Variants in DLGAP2 observed in about 807,000 individuals in gnomAD.
The protein encoded by DLGAP2 is disks large-associated protein 2.
Under a neutral mutation model 100.3 loss-of-function variants are expected in DLGAP2, and 26 were observed. That is an observed-to-expected ratio of 0.26 (90% CI 0.19 to 0.36). The LOEUF (loss-of-function observed/expected upper bound fraction) is 0.36. Among genes scored for constraint, DLGAP2 ranks in the 10% least tolerant of loss-of-function variants. The pLI, the probability that DLGAP2 is intolerant of heterozygous loss-of-function variation, is 1.00. For missense variants in DLGAP2, 1,858 were observed against 1,453.2 expected (o/e 1.28, Z -4.53); for synonymous variants, 886 against 630.1 (o/e 1.41, Z -6.08).
At chr8:1,259,593 C>A (rs190449108) in intron 3 of DLGAP2, 1 of 152,324 alleles carries the variant, frequency 6.6e-6, no homozygotes, top group Non-Finnish European at 1.5e-5. Flanking sequence ...AAGAGTCAGC[C>A]TTGGGGAACT....
At chr8:1,388,829 G>T (rs539528430) in intron 3 of DLGAP2, among the ~76,000 whole-genome samples, 28 of 115,674 alleles carry the variant, frequency 2.4e-4, no homozygotes, top group Non-Finnish European at 3.5e-4. Flanking sequence ...ATGAGGAGGC[G>T]CTGGTTCAGG....
At chr8:985,999 A>C (rs2129015407) in intron 2 of DLGAP2, among the ~76,000 whole-genome samples, 1 of 152,346 alleles carries the variant, frequency 6.6e-6, no homozygotes, top group South Asian at 2.1e-4. Context: ...CTGGTTAGGA[A>C]GAAGTTTCTG....
chr8:976,784 A>G (rs1036507979), intron 2 of DLGAP2, among the ~76,000 whole-genome samples: 18 of 152,246 alleles, frequency 1.2e-4, no homozygotes, highest in African/African-American at 3.9e-4. Flanking sequence ...TATAAAAAAC[A>G]TAACTGAAAA....
intron 1 of DLGAP2, among the ~76,000 whole-genome samples, chr8:889,891 G>C (rs1584865784): frequency 1.3e-5 from 2 of 152,356 alleles, no homozygotes; most frequent in African/African-American, 4.8e-5. Flanking sequence ...AGTGGCGTGA[G>C]TTTGCAAGTG....
intron 3 of DLGAP2, among the ~76,000 whole-genome samples, chr8:1,375,034 T>A (rs1258073347): frequency 6.6e-6 from 1 of 152,350 alleles, no homozygotes; most frequent in East Asian, 1.9e-4. Context: ...AGCATGCTAC[T>A]GAGGTGCTGT....
intron 3 of DLGAP2, among the ~76,000 whole-genome samples, chr8:1,457,976 A>T (rs1016283146): frequency 3.6e-3 from 4 of 1,110 alleles, no homozygotes; most frequent in African/African-American, 6.0e-3. Context: ...TTCTCTGATC[A>T]TATATATATA....
intron 1 of DLGAP2, among the ~76,000 whole-genome samples, chr8:875,900 A>T (rs1350716498): frequency 6.6e-6 from 1 of 152,192 alleles, no homozygotes; most frequent in East Asian, 1.9e-4. Context: ...TAGAAGCATT[A>T]CTTCTATGTA....
intron 3 of DLGAP2, among the ~76,000 whole-genome samples, chr8:1,332,422 T>C (rs1174535128): frequency 6.6e-6 from 1 of 152,126 alleles, no homozygotes; most frequent in African/African-American, 2.4e-5. Flanking sequence ...TATGCGTGTG[T>C]CAGTGTATAT....
chr8:1,295,094 C>G (rs1404197959), intron 3 of DLGAP2, among the ~76,000 whole-genome samples: 1 of 152,102 alleles, frequency 6.6e-6, no homozygotes, highest in African/African-American at 2.4e-5. Flanking sequence ...AAATCTACTA[C>G]CACGGGCTCA....
At chr8:1,054,047 C>T (rs1054102950) in intron 2 of DLGAP2, among the ~76,000 whole-genome samples, 13 of 152,088 alleles carry the variant, frequency 8.5e-5, no homozygotes, top group African/African-American at 3.1e-4. Flanking sequence ...TTCAGCCTTC[C>T]GCTGCTGGGT....
chr8:1,225,614 C>G (rs989430480), intron 2 of DLGAP2, among the ~76,000 whole-genome samples: 17 of 152,288 alleles, frequency 1.1e-4, no homozygotes, highest in African/African-American at 3.6e-4. Context: ...AAATCATATG[C>G]AAGTATCATG....
Position 875,975 on chromosome 8 carries a change from C to T in DLGAP2, c.19-31937C>T, listed in dbSNP as rs142452492. ...TTATTACATCTCTTAATGTTGCAAACGCAACAGCACATTGTTATAATTATG... is the reference window on the plus strand; with the variant it reads ...TTATTACATCTCTTAATGTTGCAAATGCAACAGCACATTGTTATAATTATG... On this transcript the variant is annotated intron_variant, in intron 1 of 14. Transcript: ENST00000637795. 2.8e-3 allele frequency among the ~76,000 whole-genome samples: 431 copies of T among 152,244 alleles called. 1 individual carries two copies. The highest frequency in any genetic ancestry group is 9.2e-3 in the African/African-American group (382 of 41,544).
At chr8:1,289,876 T>C (rs879096487) in intron 3 of DLGAP2, among the ~76,000 whole-genome samples, 1 of 152,200 alleles carries the variant, frequency 6.6e-6, no homozygotes, top group Admixed American at 6.5e-5. Context: ...CCTAAGATAT[T>C]TAAGATGATT....
chr8:1,295,742 C>T (rs971170124), intron 3 of DLGAP2, among the ~76,000 whole-genome samples: 32 of 152,310 alleles, frequency 2.1e-4, no homozygotes, highest in South Asian at 1.2e-3. Context: ...GGGCAGGTGA[C>T]GCCGGGCAGG....
chr8:1,167,394 G>A (rs549864530), intron 2 of DLGAP2, among the ~76,000 whole-genome samples: 33 of 152,280 alleles, frequency 2.2e-4, no homozygotes, highest in South Asian at 4.1e-4. Context: ...GAAAAAGGCA[G>A]AGAGGGGTGA....
At chr8:1,315,609 G>A (rs796862911) in intron 3 of DLGAP2, among the ~76,000 whole-genome samples, 21 of 135,328 alleles carry the variant, frequency 1.6e-4, no homozygotes, top group African/African-American at 5.1e-4. Flanking sequence ...GTCTACACTC[G>A]AGAAACTCGG....
intron 1 of DLGAP2, among the ~76,000 whole-genome samples, chr8:809,957 A>G (rs1335233566): frequency 6.6e-6 from 1 of 152,172 alleles, no homozygotes; most frequent in Non-Finnish European, 1.5e-5. Flanking sequence ...TCTTGGAGAA[A>G]GCCTGGACTG....
chr8:1,328,357 C>T (rs551056790), intron 3 of DLGAP2, among the ~76,000 whole-genome samples: 6 of 151,844 alleles, frequency 4.0e-5, no homozygotes, highest in East Asian at 1.9e-4. Flanking sequence ...CTCACTGTGT[C>T]GCCCAGGCTG....
At chr8:1,454,454 G>GT (rs201303635) in intron 3 of DLGAP2, among the ~76,000 whole-genome samples, 8,762 of 152,132 alleles carry the variant, frequency 0.058, 332 homozygotes, top group Admixed American at 0.093. Flanking sequence ...GGGGAGGGCA[G>GT]GTCTTTCTGG....
Sources: gnomAD v4.1 joint callset for allele counts (sites outside exome capture counted in the v4.1 genomes callset) on GRCh38, gnomAD v4.1.1 for gene constraint, MANE v1.5 for transcripts, NCBI Gene and HGNC (gene_info 2026-07-23, HGNC 2026-07-21) for gene names.